The following KAZN variants were observed in gnomAD, a reference collection of about 807,000 sequenced individuals.
KAZN encodes kazrin, periplakin interacting protein, also known as kazrin.
Under a neutral mutation model 87.4 loss-of-function variants are expected in KAZN, and 40 were observed. The ratio of observed to expected loss-of-function variants is 0.46; its 90% confidence interval spans 0.36 to 0.60. KAZN has a LOEUF of 0.60. Among genes scored for constraint, KAZN ranks in the 20% least tolerant of loss-of-function variants. The pLI is 0.00. For synonymous variants in KAZN, 466 were observed against 458.3 expected, an observed-to-expected ratio of 1.02 and a Z score of -0.22; for missense variants, 898 against 1,073.9, an observed-to-expected ratio of 0.84 and a Z score of 2.29.
chr1:14,569,544 G>A (rs1000846944), intron 2 of KAZN, among the ~76,000 whole-genome samples: 5 of 151,202 alleles, frequency 3.3e-5, no homozygotes, highest in Admixed American at 6.6e-5. Context: ...GGATGGTCTC[G>A]ATCTCCTGAC....
chr1:14,900,285 A>G (rs906733145), intron 1 of KAZN, among the ~76,000 whole-genome samples: 11 of 152,234 alleles, frequency 7.2e-5, no homozygotes, highest in Non-Finnish European at 1.5e-4. Flanking sequence ...GCCCTGGGAG[A>G]TGTCTTGTGT....
chr1:14,536,965 T>G (rs1038516019), intron 2 of KAZN, among the ~76,000 whole-genome samples: 1 of 152,156 alleles, frequency 6.6e-6, no homozygotes, highest in Non-Finnish European at 1.5e-5. Flanking sequence ...TGGCATCTCC[T>G]GGTACAATAG....
At chr1:14,523,345 TA>T (rs1671685169) in intron 2 of KAZN, among the ~76,000 whole-genome samples, 4 of 152,184 alleles carry the variant, frequency 2.6e-5, no homozygotes, top group Admixed American at 2.6e-4. Context: ...TCTGTGATTG[TA>T]AGCTTTGGCA....
chr1:14,617,168 T>C (rs1572056598), intron 1 of KAZN, among the ~76,000 whole-genome samples: 3 of 152,358 alleles, frequency 2.0e-5, no homozygotes, highest in East Asian at 1.9e-4. Flanking sequence ...TTGCTATCTA[T>C]GTTATGCGGC....
At chr1:15,093,566 A>G (rs1413879120) in intron 8 of KAZN, among the ~76,000 whole-genome samples, 1 of 152,106 alleles carries the variant, frequency 6.6e-6, no homozygotes, top group Non-Finnish European at 1.5e-5. Flanking sequence ...TTTTTACATA[A>G]GGTAACATAG....
At chr1:14,619,287 T>A (rs887152430) in intron 1 of KAZN, among the ~76,000 whole-genome samples, 2 of 151,892 alleles carry the variant, frequency 1.3e-5, no homozygotes, top group African/African-American at 4.8e-5. Context: ...AGCCTCAAAC[T>A]CCTGGGCTCA....
At chr1:15,014,206 A>G (rs375051835) in intron 2 of KAZN, among the ~76,000 whole-genome samples, 2 of 152,138 alleles carry the variant, frequency 1.3e-5, no homozygotes. Flanking sequence ...CACCTGCAGG[A>G]TTCTGGGAGG....
intron 1 of KAZN, among the ~76,000 whole-genome samples, chr1:14,713,441 C>T (rs1323896928): frequency 1.3e-5 from 2 of 152,094 alleles, no homozygotes; most frequent in Non-Finnish European, 2.9e-5. Flanking sequence ...GGCACTGTGC[C>T]TGGTTAGTTT....
chr1:14,683,387 A>G (rs748031137), intron 1 of KAZN, among the ~76,000 whole-genome samples: 4 of 152,186 alleles, frequency 2.6e-5, no homozygotes, highest in Non-Finnish European at 5.9e-5. Context: ...GTGCAAAGAT[A>G]TTCCACCCAT....
rs571962186 is a variant in KAZN, at chr1:15,077,631, G to C, written c.1222+11878G>C. Among the ~76,000 whole-genome samples, 1 of 152,198 alleles carries C rather than the reference G, an allele frequency of 6.6e-6. No homozygotes were observed. The highest frequency in any genetic ancestry group is 1.5e-5 in the Non-Finnish European group (1 of 68,036). On this transcript the variant is annotated intron_variant, in intron 8 of 14. Transcript: ENST00000376030. This position sits in a 1 kb window ranked among gnomAD's most constrained non-coding sequence, Gnocchi z 4.8. ...TCAGTTGTTTTTTATAGTCACTACCGGAGTCTCTGGGACTCAGAGATGGGG... is the reference window on the plus strand; with the variant it reads ...TCAGTTGTTTTTTATAGTCACTACCCGAGTCTCTGGGACTCAGAGATGGGG...
chr1:14,743,519 G>A (rs1644173839), intron 1 of KAZN, among the ~76,000 whole-genome samples: 1 of 151,880 alleles, frequency 6.6e-6, no homozygotes, highest in African/African-American at 2.4e-5. Flanking sequence ...TTTGATAGAA[G>A]CCCCAGTGCT....
Position 13,995,439 on chromosome 1 carries a change from GT to G in KAZN, c.91+101686del, listed in dbSNP as rs575230325. On this transcript the variant is annotated intron_variant, in intron 1 of 16. Coordinates refer to the KAZN transcript ENST00000636203. ...GAAAGTGAAATTTTAATAAAGATAT[GT>G]TTACAATAGCATAAAAACCTGACTA... 9.9e-5 allele frequency among the ~76,000 whole-genome samples: 15 copies of G among 152,226 alleles called. No homozygotes were observed. The South Asian group carries it at 3.1e-3, about 32-fold the overall frequency.
At chr1:14,334,247 C>A (rs1657059703) in intron 2 of KAZN, among the ~76,000 whole-genome samples, 1 of 151,444 alleles carries the variant, frequency 6.6e-6, no homozygotes, top group South Asian at 2.1e-4. Flanking sequence ...TGCCTGTAAT[C>A]CCAGCTACTT....
chr1:14,080,181 T>G (rs889256750), intron 1 of KAZN, among the ~76,000 whole-genome samples: 1 of 151,950 alleles, frequency 6.6e-6, no homozygotes, highest in Non-Finnish European at 1.5e-5. Context: ...AACAAACAAG[T>G]TTATTAATAT....
intron 2 of KAZN, among the ~76,000 whole-genome samples, chr1:14,587,464 G>C (rs920134838): frequency 6.6e-6 from 1 of 151,568 alleles, no homozygotes; most frequent in Non-Finnish European, 1.5e-5. Flanking sequence ...AAAAAAAAGA[G>C]GTTTACCTGG....
At chr1:14,832,851 G>A (rs1355169734) in intron 1 of KAZN, among the ~76,000 whole-genome samples, 3 of 152,162 alleles carry the variant, frequency 2.0e-5, no homozygotes, top group Non-Finnish European at 2.9e-5. Context: ...AAAGTTACAT[G>A]AAATTCACGT....
At chr1:14,260,384 A>G (rs4662139) in intron 2 of KAZN, among the ~76,000 whole-genome samples, 73,136 of 152,052 alleles carry the variant, frequency 0.48, 19,557 homozygotes, top group African/African-American at 0.69. Flanking sequence ...GAGGTTTGAA[A>G]GGGTGAAGTA....
At position 14,020,907 on chromosome 1, in the gene KAZN, C is replaced by T. The variant is rs78194979; in HGVS notation, c.91+127151C>T. ...TTCCTTTAGATGAGTCTTTGGAACC[C>T]GAGGGTCAGGCACGTAGGTTTCTTT... On this transcript the variant is annotated intron_variant, in intron 1 of 16. Coordinates refer to the KAZN transcript ENST00000636203. Among the ~76,000 whole-genome samples, 1,373 of 151,346 alleles carry T rather than the reference C, an allele frequency of 9.1e-3. 20 individuals carry two copies. The highest frequency in any genetic ancestry group is 0.031 in the African/African-American group (1,268 of 40,976).
intron 1 of KAZN, among the ~76,000 whole-genome samples, chr1:14,892,560 A>C (rs1042319297): frequency 6.6e-6 from 1 of 152,116 alleles, no homozygotes. Flanking sequence ...TTTTTCTACA[A>C]GGTCTGCAAA....
Sources: gnomAD v4.1 joint callset for allele counts (sites outside exome capture counted in the v4.1 genomes callset) on GRCh38, gnomAD v4.1.1 for gene constraint, Gnocchi (gnomAD v3.1) non-coding constraint, MANE v1.5 for transcripts, NCBI Gene and HGNC (gene_info 2026-07-23, HGNC 2026-07-21) for gene names.